MS4A8: variants seen among roughly 807,000 people sequenced by gnomAD.
The protein encoded by MS4A8 is membrane-spanning 4-domains subfamily A member 8.
In MS4A8, 27 loss-of-function variants were observed where a neutral mutation model predicts 23.7. The observed-to-expected ratio is 1.14, with a 90% confidence interval of 0.84 to 1.57. The LOEUF is 1.57. Ranked by LOEUF, MS4A8 falls within the 40% of genes most tolerant of loss-of-function variation. The pLI, the probability that MS4A8 is intolerant of heterozygous loss-of-function variation, is 0.00. For missense variants in MS4A8, 301 were observed against 311.4 expected (o/e 0.97, Z 0.25); for synonymous variants, 138 against 126.3 (o/e 1.09, Z -0.62).
intron 5 of MS4A8, among the ~76,000 whole-genome samples, chr11:60,713,697 C>G (rs552616084): frequency 1.3e-5 from 2 of 152,020 alleles, no homozygotes; most frequent in Non-Finnish European, 2.9e-5. Context: ...TTTACTAATC[C>G]TCCTCAGCAC....
At chr11:60,707,309 C>CGA (rs112128181) in intron 4 of MS4A8, among the ~76,000 whole-genome samples, 3,847 of 147,616 alleles carry the variant, frequency 0.026, 56 homozygotes, top group Middle Eastern at 0.05. Context: ...GTATGGAGAG[C>CGA]GAGAGAGAGA....
intron 5 of MS4A8, among the ~76,000 whole-genome samples, chr11:60,709,386 AAAAG>A (rs1236123768): frequency 2.0e-5 from 3 of 151,000 alleles, no homozygotes; most frequent in African/African-American, 7.5e-5. Flanking sequence ...TGCCACATTT[AAAAG>A]AGAGAGAGAG....
intron 5 of MS4A8, among the ~76,000 whole-genome samples, chr11:60,710,722 A>G (rs1265312719): frequency 6.6e-6 from 1 of 152,146 alleles, no homozygotes; most frequent in African/African-American, 2.4e-5. Flanking sequence ...CTCAGAAAAA[A>G]AGCCAATGTC....
intron 3 of MS4A8, among the ~76,000 whole-genome samples, chr11:60,705,389 C>T (rs1443555919): frequency 6.6e-6 from 1 of 152,226 alleles, no homozygotes; most frequent in Non-Finnish European, 1.5e-5. Flanking sequence ...CTGACCACGC[C>T]TCCTCCCACC....
rs959534177 is a variant in MS4A8 at position 60,715,518 on chromosome 11, C to T, written c.*104C>T. The T allele has an allele frequency of 3.0e-5, 24 of 787,802 alleles. No individual in the cohort carries two copies. Among genetic ancestry groups the T allele is most frequent in the South Asian group, 4.9e-5 (3 of 61,744 alleles). 48.8% of individuals were successfully genotyped at this position (787,802 alleles called of 1,614,324 possible). ...GTTCCTGTTCTGACAGCTGAGGAAA[C>T]GTCTCTCCCACTGTTTGTACTCTCA... On this transcript the variant is annotated 3_prime_UTR_variant, in exon 7 of 7. Coordinates refer to ENST00000300226, the MANE Select transcript of MS4A8 (RefSeq NM_031457.2).
intron 2 of MS4A8, among the ~76,000 whole-genome samples, chr11:60,702,230 G>A (rs2088211203): frequency 6.6e-6 from 1 of 152,112 alleles, no homozygotes; most frequent in African/African-American, 2.4e-5. Flanking sequence ...AGAACACTTA[G>A]GTTAGCTTAC....
At position 60,703,619 on chromosome 11, in the gene MS4A8, G is replaced by C. The variant is rs967744281; in HGVS notation, c.342+119G>C. ...AGGTTCCCAGCCACCCAAATGTGGG[G>C]GATAGGAAACCAGCCAGCCCTGGCC... On this transcript the variant is annotated intron_variant, in intron 3 of 6. Coordinates refer to ENST00000300226, the MANE Select transcript of MS4A8 (RefSeq NM_031457.2). 4.8e-6 allele frequency: 6 copies of C among 1,251,334 alleles called. No individual in the cohort carries two copies. The African/African-American group carries it at 9.3e-5, about 19-fold the overall frequency. The allele number at this position is 1,251,334 out of a possible 1,614,324, so 77.5% of individuals were successfully genotyped here. A position where few individuals can be genotyped will look rare whatever the true frequency, so the allele number is the denominator to read the frequency against.
chr11:60,704,736 A>G (rs781098714), intron 3 of MS4A8, among the ~76,000 whole-genome samples: 24 of 152,162 alleles, frequency 1.6e-4, no homozygotes, highest in Admixed American at 3.9e-4. Flanking sequence ...CCGTGACTCC[A>G]TAAAGTGTTA....
At chr11:60,714,145 C>T (rs2088322532) in intron 5 of MS4A8, among the ~76,000 whole-genome samples, 1 of 146,408 alleles carries the variant, frequency 6.8e-6, no homozygotes, top group Non-Finnish European at 1.5e-5. Flanking sequence ...AGGATGGTCT[C>T]GATCTCCTGA....
intron 2 of MS4A8, 121 bp downstream of exon 2, chr11:60,701,200 C>G (rs1297183696): frequency 1.1e-6 from 1 of 920,954 alleles, no homozygotes. Context: ...TTGATCGCGC[C>G]TTGCCAAGCA....
intron 1 of MS4A8, 65 bp from the exon 2 acceptor site, chr11:60,700,795 A>G (rs952250897): frequency 3.9e-6 from 6 of 1,539,892 alleles, no homozygotes; most frequent in African/African-American, 1.4e-5. Flanking sequence ...AGAAGAAGCA[A>G]AAGTCCTTTT....
Position 60,715,291 on chromosome 11 carries a change from G to A in MS4A8, c.649-19G>A. The A allele has an allele frequency of 6.2e-7, 1 of 1,609,302 alleles. No homozygotes were observed. The highest frequency in any genetic ancestry group is 1.1e-5 in the South Asian group (1 of 90,964). ...GCCCGTCCTTCTTAGCATGCCCCCTGTGTGCCTGTGTTTTCCAGGTGAGTG... is the reference window on the plus strand; with the variant it reads ...GCCCGTCCTTCTTAGCATGCCCCCTATGTGCCTGTGTTTTCCAGGTGAGTG... On this transcript the variant is annotated intron_variant, in intron 6 of 6. Coordinates refer to ENST00000300226, the MANE Select transcript of MS4A8 (RefSeq NM_031457.2).
chr11:60,708,979 T>C (rs1297628885), intron 5 of MS4A8, 198 bp downstream of exon 5: 1 of 564,982 alleles, frequency 1.8e-6, no homozygotes, highest in Non-Finnish European at 3.1e-6. Context: ...GTTTCTGCCT[T>C]TGTAGAACAA....
In MS4A8 at chr11:60,703,410, C is replaced by A. The variant is rs141691182; in HGVS notation, c.252C>A (p.Ile84=). 3 of 1,602,268 alleles carry A rather than the reference C, an allele frequency of 1.9e-6. No individual in the cohort carries two copies. Among genetic ancestry groups the A allele is most frequent in the Non-Finnish European group, 2.6e-6 (3 of 1,175,256 alleles). ...AIQIIIGLAH[I]GLGSIMATVL... is the part of the protein sequence containing the mutation. ...AGATCATCATTGGCCTGGCTCACAT[C>A]GGCCTCGGCTCCATCATGGCGACGG... Residue 84 remains isoleucine (I), a synonymous_variant, in exon 3 of 7, where the codon ATC becomes ATA. Transcript: ENST00000300226.
In MS4A8 at chr11:60,699,697, C is replaced by G. The variant is rs1443173912; in HGVS notation, c.-80C>G. 2 of 152,276 alleles carry G rather than the reference C, an allele frequency of 1.3e-5. No individual in the cohort carries two copies. Among genetic ancestry groups the G allele is most frequent in the African/African-American group, 2.4e-5 (1 of 41,410 alleles). 9.4% of individuals were successfully genotyped at this position (152,276 alleles called of 1,614,324 possible). ...CCCAACTGGCCCCAGTACATTCATT[C>G]TCTCAGGAAAAAAAACAAGGTCCCC... On this transcript the variant is annotated 5_prime_UTR_variant, in exon 1 of 7. Coordinates refer to ENST00000300226, the MANE Select transcript of MS4A8 (RefSeq NM_031457.2).
chr11:60,708,908 T>C (rs2088279795), intron 5 of MS4A8, 127 bp downstream of exon 5: 1 of 1,181,838 alleles, frequency 8.5e-7, no homozygotes, highest in Non-Finnish European at 1.2e-6. Context: ...GCTTTCAGCA[T>C]AGGAACAAAT....
intron 3 of MS4A8, among the ~76,000 whole-genome samples, 183 bp from the exon 4 acceptor site, chr11:60,706,805 A>G (rs1243543390): frequency 1.3e-5 from 2 of 152,164 alleles, no homozygotes; most frequent in Non-Finnish European, 2.9e-5. Context: ...GGATCCTAGA[A>G]TATATATTTA....
intron 3 of MS4A8, among the ~76,000 whole-genome samples, chr11:60,706,311 T>C (rs2088255410): frequency 6.6e-6 from 1 of 152,214 alleles, no homozygotes. Context: ...TCAGCCACAG[T>C]GCCTGCGGAA....
intron 2 of MS4A8, among the ~76,000 whole-genome samples, chr11:60,702,328 A>C (rs1304026611): frequency 6.6e-6 from 1 of 152,202 alleles, no homozygotes; most frequent in East Asian, 1.9e-4. Flanking sequence ...CTGAAAATGA[A>C]AAGCAGAATG....
Sources: gnomAD v4.1 joint callset for allele counts (sites outside exome capture counted in the v4.1 genomes callset) on GRCh38, gnomAD v4.1.1 for gene constraint, MANE v1.5 for transcripts, NCBI Gene and HGNC (gene_info 2026-07-23, HGNC 2026-07-21) for gene names.